The following BCAR1 variants were observed in gnomAD, a reference collection of about 807,000 sequenced individuals.
The protein encoded by BCAR1 is breast cancer anti-estrogen resistance protein 1.
A neutral mutation model predicts 67.6 loss-of-function variants in BCAR1; 30 were observed. The ratio of observed to expected loss-of-function variants is 0.44; its 90% confidence interval spans 0.33 to 0.60. The LOEUF (loss-of-function observed/expected upper bound fraction) is 0.60. Ranked by LOEUF, BCAR1 falls within the 20% of genes least tolerant of loss-of-function variation. The probability of loss-of-function intolerance (pLI) is 0.02; values close to 1 mark genes in which losing one functional copy is unlikely to be tolerated. For missense variants in BCAR1, 1,313 were observed against 1,222.3 expected (o/e 1.07, Z -1.11); for synonymous variants, 626 against 556.7 (o/e 1.12, Z -1.75).
At position 75,235,403 on chromosome 16, in the gene BCAR1, G is replaced by A. The variant is rs758226581; in HGVS notation, c.1496C>T (p.Pro499Leu). ...SWRSPSEPQE[P>L]LVQDLQAAVA... Reference sequence around the variant, plus strand: ...AGCAGCCTGCAGGTCCTGCACCAGCGGCTCCTGTGGCTCAGAGGGGCTACG... The same window carrying A: ...AGCAGCCTGCAGGTCCTGCACCAGCAGCTCCTGTGGCTCAGAGGGGCTACG... The change falls in exon 5 of 7, where the codon CCG becomes CTG. Residue 499 changes from proline to leucine, a missense_variant. Transcript: ENST00000162330. 42 of 1,607,202 alleles carry A rather than the reference G, an allele frequency of 2.6e-5. No individual in the cohort carries two copies. In the East Asian group the frequency reaches 2.9e-4, roughly 11 times the overall value.
Position 75,242,890 on chromosome 16 carries a change from T to C in BCAR1, c.213A>G (p.Pro71=), listed in dbSNP as rs2151436237. Reference sequence around the variant, plus strand: ...CGGGAGGGCCGGGGCCAGGCCCTGCTGGCTTCTTATCATACATGCCCACCA... The same window carrying C: ...CGGGAGGGCCGGGGCCAGGCCCTGCCGGCTTCTTATCATACATGCCCACCA... The part of the protein sequence containing the change: ...KILVGMYDKK[P]AGPGPGPPAT... Residue 71 remains proline, a synonymous_variant, in exon 2 of 7, where the codon CCA becomes CCG. Coordinates refer to ENST00000162330, the MANE Select transcript of BCAR1 (RefSeq NM_014567.5). 6.2e-7 allele frequency: 1 copy of C among 1,611,476 alleles called. No homozygotes were observed. The highest frequency in any genetic ancestry group is 2.2e-5 in the East Asian group (1 of 44,858).
upstream of BCAR1, chr16:75,252,465 C>T: frequency 7.1e-7 from 1 of 1,400,932 alleles, no homozygotes; most frequent in Non-Finnish European, 9.4e-7. Flanking sequence ...AACCTTGGCT[C>T]TCCTGAGTTG....
intron 1 of BCAR1, among the ~76,000 whole-genome samples, chr16:75,260,162 C>T (rs2077871661): frequency 6.6e-6 from 1 of 152,012 alleles, no homozygotes; most frequent in Non-Finnish European, 1.5e-5. Flanking sequence ...TCACTGCACT[C>T]CAGCCTGGGT....
intron 1 of BCAR1, among the ~76,000 whole-genome samples, chr16:75,259,494 C>T (rs1405933530): frequency 1.3e-5 from 2 of 152,218 alleles, no homozygotes; most frequent in Non-Finnish European, 2.9e-5. Flanking sequence ...GACAGATATC[C>T]ATCCACAAGG....
chr16:75,267,227 G>C (rs375721031), intron 1 of BCAR1, among the ~76,000 whole-genome samples: 2 of 152,310 alleles, frequency 1.3e-5, no homozygotes, highest in South Asian at 2.1e-4. Flanking sequence ...CCTCCCACGA[G>C]AGACCCAAGT....
At position 75,235,524 on chromosome 16, in the gene BCAR1, C is replaced by A; in HGVS notation, c.1375G>T (p.Ala459Ser). The change falls in exon 5 of 7, where the codon GCT becomes TCT. Residue 459 changes from alanine to serine, a missense_variant. Coordinates refer to ENST00000162330, the MANE Select transcript of BCAR1 (RefSeq NM_014567.5). Reference sequence around the variant, plus strand: ...TGCAGCCGTGCCAGGGCCTCCACAGCAACTTCCAGCTCCAGGGGTTCCCGG... The same window carrying A: ...TGCAGCCGTGCCAGGGCCTCCACAGAAACTTCCAGCTCCAGGGGTTCCCGG... ...PGREPLELEV[A>S]VEALARLQQG... 1 of 1,595,674 alleles carries A rather than the reference C, an allele frequency of 6.3e-7. No homozygotes were observed. Among genetic ancestry groups the A allele is most frequent in the Non-Finnish European group, 8.5e-7 (1 of 1,171,840 alleles).
intron 1 of BCAR1, chr16:75,250,882 C>CG (rs2077660287): frequency 1.0e-6 from 1 of 985,436 alleles, no homozygotes; most frequent in Admixed American, 6.1e-5. Flanking sequence ...GCAAAGCCCG[C>CG]GGCGCGCCCG....
intron 6 of BCAR1, among the ~76,000 whole-genome samples, chr16:75,230,745 G>C: frequency 6.6e-6 from 1 of 152,192 alleles, no homozygotes. Context: ...AAAGATCCAA[G>C]CCACAATGAG....
At chr16:75,241,662 C>T (rs183650811) in intron 2 of BCAR1, among the ~76,000 whole-genome samples, 8 of 152,332 alleles carry the variant, frequency 5.3e-5, no homozygotes, top group African/African-American at 1.4e-4. Context: ...CAACGACCTC[C>T]GGCCATGCCT....
At chr16:75,264,555 A>T in intron 1 of BCAR1, 1 of 1,369,984 alleles carries the variant, frequency 7.3e-7, no homozygotes, top group Non-Finnish European at 9.4e-7. Flanking sequence ...ACCAGAACGG[A>T]TGGCGGGGCT....
intron 6 of BCAR1, among the ~76,000 whole-genome samples, chr16:75,231,803 CGACCA>C (rs1481686429): frequency 6.6e-6 from 1 of 152,208 alleles, no homozygotes; most frequent in Non-Finnish European, 1.5e-5. Flanking sequence ...ACAAAGTACA[CGACCA>C]CTTCTGAAAA....
At chr16:75,237,384 A>G (rs1161829373) in intron 2 of BCAR1, 40 bp from the exon 3 acceptor site, 9 of 1,424,608 alleles carry the variant, frequency 6.3e-6, no homozygotes, top group Non-Finnish European at 8.3e-6. Context: ...CCCTCAAACC[A>G]GCCCTTAGGG....
At chr16:75,241,804 G>T (rs892392740) in intron 2 of BCAR1, among the ~76,000 whole-genome samples, 1 of 152,228 alleles carries the variant, frequency 6.6e-6, no homozygotes, top group African/African-American at 2.4e-5. Context: ...CTACAGGCAG[G>T]TGAGCTTGGG....
intron 2 of BCAR1, chr16:75,239,031 G>A (rs949748892): frequency 4.8e-5 from 47 of 985,276 alleles, no homozygotes; most frequent in Middle Eastern, 5.2e-4. Context: ...ACCCAGGCCT[G>A]CCTCCCCAGG....
At chr16:75,238,169 C>A in intron 2 of BCAR1, 2 of 1,261,864 alleles carry the variant, frequency 1.6e-6, no homozygotes, top group Non-Finnish European at 2.1e-6. Context: ...CCCAGGGCCA[C>A]AGGACCCCTC....
At chr16:75,260,504 C>T (rs1197410193) in intron 1 of BCAR1, among the ~76,000 whole-genome samples, 1 of 151,594 alleles carries the variant, frequency 6.6e-6, no homozygotes, top group Non-Finnish European at 1.5e-5. Flanking sequence ...CATGGTGGCA[C>T]ATGCCTGTAA....
At chr16:75,233,583 G>A (rs928062440) in intron 6 of BCAR1, among the ~76,000 whole-genome samples, 1 of 152,232 alleles carries the variant, frequency 6.6e-6, no homozygotes, top group African/African-American at 2.4e-5. Context: ...GCCTATGGCA[G>A]CTGTGAGGGG....
chr16:75,236,745 C>G, intron 4 of BCAR1, 137 bp downstream of exon 4: 1 of 1,379,264 alleles, frequency 7.3e-7, no homozygotes. Context: ...TGTCAACCAT[C>G]CAGAACCAGG....
intron 1 of BCAR1, among the ~76,000 whole-genome samples, chr16:75,260,104 G>GA (rs2077870172): frequency 6.6e-6 from 1 of 152,070 alleles, no homozygotes; most frequent in Non-Finnish European, 1.5e-5. Flanking sequence ...TGAGGCAGGA[G>GA]AATCACTTGA....
Sources: gnomAD v4.1 joint callset for allele counts (sites outside exome capture counted in the v4.1 genomes callset) on GRCh38, gnomAD v4.1.1 for gene constraint, MANE v1.5 for transcripts, NCBI Gene and HGNC (gene_info 2026-07-23, HGNC 2026-07-21) for gene names.